HELZ2: variants seen among roughly 807,000 people sequenced by gnomAD.
HELZ2 encodes the protein helicase with zinc finger 2.
A neutral mutation model predicts 208.8 loss-of-function variants in HELZ2; 143 were observed. That is an observed-to-expected ratio of 0.68 (90% CI 0.60 to 0.79). The LOEUF (loss-of-function observed/expected upper bound fraction) is 0.79, where lower values mean the gene tolerates loss of function less well. Among genes scored for constraint, HELZ2 ranks in the 30% least tolerant of loss-of-function variants. The probability of loss-of-function intolerance (pLI) is 0.00; values close to 1 mark genes in which losing one functional copy is unlikely to be tolerated. For synonymous variants in HELZ2, 1,705 were observed against 1,693.7 expected (o/e 1.01, Z -0.16); for missense variants, 3,690 against 3,794.5 (o/e 0.97, Z 0.72).
At chr20:63,561,408 T>C in exon 13 of HELZ2, 16 of 1,612,916 alleles carry the variant, frequency 9.9e-6, no homozygotes, top group Non-Finnish European at 1.4e-5. Context: ...TCAAAGGCCT[T>C]GATTTCCGAC....
chr20:63,569,701 G>A, intron 3 of HELZ2, 36 bp from the exon 5 acceptor site: 1 of 1,479,920 alleles, frequency 6.8e-7, no homozygotes. Flanking sequence ...GGGGCCCAGG[G>A]CTCCCCCCAA....
exon 8 of HELZ2, chr20:63,563,140 G>T: frequency 6.3e-7 from 1 of 1,595,342 alleles, no homozygotes; most frequent in Non-Finnish European, 8.5e-7. Context: ...GTACCAGGAA[G>T]CCGTGCTGCA....
At chr20:63,567,561 A>G (rs1450829250) in exon 6 of HELZ2, 9 of 1,583,186 alleles carry the variant, frequency 5.7e-6, no homozygotes, top group Non-Finnish European at 7.7e-6. Context: ...CACGGAGAGG[A>G]GTGGCCTCGG....
chr20:63,561,238 C>T (rs1330843431), exon 14 of HELZ2: 2 of 1,612,800 alleles, frequency 1.2e-6, no homozygotes, highest in Non-Finnish European at 1.7e-6. Context: ...GCCGGTCCAG[C>T]TCGAACTTCC....
exon 19 of HELZ2, chr20:63,559,304 T>G (rs144890990): frequency 6.3e-7 from 1 of 1,599,566 alleles, no homozygotes; most frequent in South Asian, 1.1e-5. Flanking sequence ...CACGAGGGTC[T>G]GCTGAGCCTC....
intron 18 of HELZ2, 120 bp downstream of exon 19, chr20:63,559,808 G>T: frequency 1.2e-6 from 1 of 859,014 alleles, no homozygotes; most frequent in East Asian, 2.5e-5. Flanking sequence ...AGGAGTCAGG[G>T]TCAGGTGGGA....
rs775864107 is a variant in HELZ2 at position 63,559,383 on chromosome 20, G to A, written c.7826-13C>T. On this transcript the variant is annotated splice_polypyrimidine_tract_variant and intron_variant, in intron 18 of 18. Transcript: ENST00000467148. ...AGGAGGTGGTCTCCTGTGAGGGTGG[G>A]AGTCAGATGGGAGTCAGTCAGGGTC... The A allele has an allele frequency of 1.2e-5, 19 of 1,585,928 alleles. No homozygotes were observed. The highest frequency in any genetic ancestry group is 1.3e-5 in the Non-Finnish European group (15 of 1,162,098).
exon 19 of HELZ2, chr20:63,559,344 G>A (rs753359569): frequency 1.9e-6 from 3 of 1,602,322 alleles, no homozygotes; most frequent in Admixed American, 3.4e-5. Flanking sequence ...CGCCAGAGGG[G>A]GCAGCAGCGC....
In HELZ2 at chr20:63,570,665, C is replaced by A. The variant is rs2083007868; in HGVS notation, c.462+20G>T. On this transcript the variant is annotated intron_variant, in intron 2 of 18. Transcript: ENST00000467148. ...GGCCTGGACCCCACCCCACCCCACC[C>A]ACTCCCAGGGCCCACTTACCACAAG... 13 of 1,548,550 alleles carry A rather than the reference C, an allele frequency of 8.4e-6. No homozygotes were observed. The highest frequency in any genetic ancestry group is 1.1e-5 in the Non-Finnish European group (12 of 1,128,892).
chr20:63,567,202 C>A, exon 6 of HELZ2: 1 of 1,607,788 alleles, frequency 6.2e-7, no homozygotes, highest in Non-Finnish European at 8.5e-7. Flanking sequence ...CAGGAAGAGG[C>A]GGTGCAGCAG....
exon 18 of HELZ2, chr20:63,559,963 G>A: frequency 6.2e-7 from 1 of 1,611,834 alleles, no homozygotes; most frequent in East Asian, 2.2e-5. Context: ...CCGCGTGACA[G>A]CCACATTCAC....
rs748720667 is a variant in HELZ2, at chr20:63,572,093, C to T, written c.278+15G>A. 8 of 1,596,612 alleles carry T rather than the reference C, an allele frequency of 5.0e-6. No homozygotes were observed. In the East Asian group the frequency reaches 1.6e-4, roughly 31 times the overall value. On this transcript the variant is annotated intron_variant, in intron 1 of 18. Coordinates refer to ENST00000467148, the Ensembl canonical transcript of HELZ2. ...CTCCTGCCCTACTCCAAGCTCCTGCCTCGAGTATCCTTACTTTGGGCAGAG... is the reference window on the plus strand; with the variant it reads ...CTCCTGCCCTACTCCAAGCTCCTGCTTCGAGTATCCTTACTTTGGGCAGAG...
At chr20:63,559,437 G>A in intron 18 of HELZ2, 67 bp from the exon 20 acceptor site, 2 of 1,414,880 alleles carry the variant, frequency 1.4e-6, no homozygotes, top group Non-Finnish European at 1.9e-6. Flanking sequence ...TCAGGTGGGA[G>A]GAGTCAGGGT....
rs755700041 is a variant in HELZ2, at chr20:63,562,711, G to A, written c.6111C>T (p.Pro2037=). The change falls in exon 8 of 19, where the codon CCC becomes CCT. Residue 2037 remains proline, a synonymous_variant. Coordinates refer to ENST00000467148, the Ensembl canonical transcript of HELZ2. Reference sequence around the variant, plus strand: ...CGTGGGCCACCCAGGTATACGTGCCGGGGTCAACATTCAGGCCAGGGCCGA... The same window carrying A: ...CGTGGGCCACCCAGGTATACGTGCCAGGGTCAACATTCAGGCCAGGGCCGA... 2.5e-5 allele frequency: 40 copies of A among 1,600,568 alleles called. 1 individual carries two copies. Among genetic ancestry groups the A allele is most frequent in the Admixed American group, 8.7e-5 (5 of 57,700 alleles).
At chr20:63,573,673 C>T (rs2083033772), upstream of HELZ2, among the ~76,000 whole-genome samples, 1 of 152,152 alleles carries the variant, frequency 6.6e-6, no homozygotes, top group African/African-American at 2.4e-5. This position sits in a 1 kb window ranked among gnomAD's most constrained non-coding sequence, Gnocchi z 4.9. Flanking sequence ...ACCACTGGCC[C>T]CCAGGAAAAG....
upstream of HELZ2, chr20:63,574,162 G>A (rs3746343): frequency 0.23 from 22,101 of 95,290 alleles, 2,594 homozygotes; most frequent in East Asian, 0.61. Flanking sequence ...CCGCCCCTCC[G>A]CCCTGGGACC....
At chr20:63,569,312 C>T (rs375347153) in exon 4 of HELZ2, 101 of 1,583,466 alleles carry the variant, frequency 6.4e-5, no homozygotes, top group East Asian at 1.4e-4. Flanking sequence ...TCTGCTCGGC[C>T]GTCCGCTCCA....
At chr20:63,564,086 T>C (rs780151288) in exon 8 of HELZ2, 2 of 1,608,022 alleles carry the variant, frequency 1.2e-6, no homozygotes, top group South Asian at 2.2e-5. Flanking sequence ...GTGGCCGAGG[T>C]GCAGTGACAG....
chr20:63,563,150 A>G, exon 8 of HELZ2: 1 of 1,593,802 alleles, frequency 6.3e-7, no homozygotes, highest in South Asian at 1.1e-5. Flanking sequence ...GCCGTGCTGC[A>G]GGCTGGTGCC....
Sources: allele counts gnomAD v4.1 joint callset (sites outside exome capture counted in the v4.1 genomes callset), GRCh38; gene constraint gnomAD v4.1.1; non-coding constraint Gnocchi (gnomAD v3.1); transcripts MANE v1.5; gene names NCBI Gene and HGNC (gene_info 2026-07-23, HGNC 2026-07-21).